TSPAN11: variants seen among roughly 807,000 people sequenced by gnomAD.
The protein encoded by TSPAN11 is tetraspanin-11.
In TSPAN11, 29 loss-of-function variants were observed where a neutral mutation model predicts 32.9. The observed-to-expected ratio is 0.88, with a 90% CI of 0.66 to 1.20. TSPAN11 has a LOEUF of 1.20. Ranked by LOEUF, TSPAN11 falls within the 50% of genes most tolerant of loss-of-function variation. The pLI, the probability that TSPAN11 is intolerant of heterozygous loss-of-function variation, is 0.00. For missense variants in TSPAN11, 283 were observed against 329.1 expected, an observed-to-expected ratio of 0.86 and a Z score of 1.08; for synonymous variants, 140 against 141.3, an observed-to-expected ratio of 0.99 and a Z score of 0.07.
At chr12:30,996,695 T>G (rs991268613), downstream of TSPAN11, 1 of 152,334 alleles carries the variant, frequency 6.6e-6, no homozygotes, top group East Asian at 1.9e-4. Context: ...GTGAAGCTGC[T>G]GTGTTAGCCA....
At chr12:31,002,443 A>G in the TSPAN11 span, among the ~76,000 whole-genome samples, 3 of 152,060 alleles carry the variant, frequency 2.0e-5, no homozygotes, top group African/African-American at 7.2e-5. The surrounding 1 kb of genome is among the most constrained non-coding windows in gnomAD (Gnocchi z 4.8). Flanking sequence ...CTCATCTACC[A>G]TGTGTCACTG....
At chr12:30,937,275 A>G (rs1938065553) in intron 1 of TSPAN11, among the ~76,000 whole-genome samples, 1 of 152,150 alleles carries the variant, frequency 6.6e-6, no homozygotes, top group Admixed American at 6.5e-5. Context: ...TTAAGAGGGA[A>G]ACAGGATCTA....
chr12:30,991,857 T>C lies in TSPAN11; in HGVS notation c.704T>C (p.Ile235Thr), dbSNP rs143801171. 6.2e-6 allele frequency: 10 copies of C among 1,614,070 alleles called. No individual in the cohort carries two copies. Among genetic ancestry groups the C allele is most frequent in the Non-Finnish European group, 8.5e-6 (10 of 1,180,040 alleles). ...AVGIGVACLQ[I>T]CGMVLTCCLH... ...TCCTCTGCTCTCTCCACCTGGCAGA[T>C]CTGCGGGATGGTTCTCACCTGCTGC... The change falls in exon 8 of 8, where the codon ATC becomes ACC. Residue 235 changes from isoleucine to threonine, a missense_variant and splice_region_variant. Ile to Thr is a moderately conservative substitution (Grantham distance 89, BLOSUM62 -1). Coordinates refer to ENST00000546076, the MANE Select transcript of TSPAN11 (RefSeq NM_001370302.1).
At chr12:30,966,769 AG>A (rs1267003636) in intron 3 of TSPAN11, among the ~76,000 whole-genome samples, 1 of 152,172 alleles carries the variant, frequency 6.6e-6, no homozygotes, top group Admixed American at 6.5e-5. Flanking sequence ...GTAACAAGGG[AG>A]GGTCCCCTCC....
intron 1 of TSPAN11, among the ~76,000 whole-genome samples, chr12:30,937,441 C>G (rs1938069646): frequency 6.6e-6 from 1 of 150,926 alleles, no homozygotes; most frequent in Non-Finnish European, 1.5e-5. Flanking sequence ...GGGGGGGCGG[C>G]AGGGGGCAGT....
At position 30,954,046 on chromosome 12, in the gene TSPAN11, T is replaced by TTA; in HGVS notation, c.56_57dup (p.Leu20TyrfsTer55). Reference sequence around the variant, plus strand: ...CTGGCTGATCATCTACTTGAAGTATTTACTCTTTGTCTTCAACTTCTTCTT... The same window carrying TTA: ...CTGGCTGATCATCTACTTGAAGTATTTATACTCTTTGTCTTCAACTTCTTCTT... On this transcript the variant is annotated frameshift_variant, in exon 2 of 8. Coordinates refer to ENST00000546076, the MANE Select transcript of TSPAN11 (RefSeq NM_001370302.1). LOFTEE classifies it high-confidence loss of function. 6.2e-7 allele frequency: 1 copy of TTA among 1,613,750 alleles called. No individual in the cohort carries two copies. The highest frequency in any genetic ancestry group is 8.5e-7 in the Non-Finnish European group (1 of 1,179,864).
the TSPAN11 span, among the ~76,000 whole-genome samples, chr12:31,007,583 C>T: frequency 1.3e-5 from 2 of 152,180 alleles, no homozygotes; most frequent in Admixed American, 6.5e-5. Context: ...GGCCCCCACC[C>T]CGACCCCTTG....
chr12:30,982,817 G>A (rs1939121497), intron 6 of TSPAN11, 127 bp downstream of exon 6: 6 of 1,364,684 alleles, frequency 4.4e-6, no homozygotes, highest in Non-Finnish European at 5.9e-6. Flanking sequence ...TTGGCCACGA[G>A]CCCACAGTGT....
intron 2 of TSPAN11, among the ~76,000 whole-genome samples, chr12:30,957,367 G>C (rs1938504675): frequency 6.6e-6 from 1 of 152,016 alleles, no homozygotes; most frequent in African/African-American, 2.4e-5. Context: ...ATGAAGCCTG[G>C]GATAACCCCT....
At chr12:31,003,019 T>G in the TSPAN11 span, among the ~76,000 whole-genome samples, 1 of 152,188 alleles carries the variant, frequency 6.6e-6, no homozygotes, top group Non-Finnish European at 1.5e-5. Context: ...GTGAGATGGC[T>G]GCAAAGAAAG....
intron 7 of TSPAN11, among the ~76,000 whole-genome samples, chr12:30,983,516 G>A (rs1939139669): frequency 6.6e-6 from 1 of 152,134 alleles, no homozygotes; most frequent in Non-Finnish European, 1.5e-5. Context: ...TGTGGTTGGG[G>A]TTGTATGCAC....
chr12:30,952,641 C>A (rs2160996), intron 1 of TSPAN11, among the ~76,000 whole-genome samples: 134,401 of 152,110 alleles, frequency 0.88, 59,423 homozygotes, highest in Non-Finnish European at 0.91. Flanking sequence ...GGCGTGGTCA[C>A]GCACCAGCCC....
chr12:30,934,048 A>T (rs1244549778), intron 1 of TSPAN11, among the ~76,000 whole-genome samples: 1 of 152,174 alleles, frequency 6.6e-6, no homozygotes, highest in Non-Finnish European at 1.5e-5. Flanking sequence ...TGGAGGTGTC[A>T]TCCACTTTGG....
chr12:30,937,430 T>TG (rs986313325), intron 1 of TSPAN11, among the ~76,000 whole-genome samples: 10 of 148,400 alleles, frequency 6.7e-5, no homozygotes, highest in Admixed American at 1.3e-4. Flanking sequence ...AGCGTACTTT[T>TG]GGGGGGGCGG....
chr12:30,985,633 C>T (rs776595991), intron 7 of TSPAN11, among the ~76,000 whole-genome samples: 39 of 152,182 alleles, frequency 2.6e-4, no homozygotes, highest in Non-Finnish European at 4.9e-4. Flanking sequence ...GTTGAGGGGG[C>T]CTGCTCTGTA....
the TSPAN11 span, among the ~76,000 whole-genome samples, chr12:31,006,184 T>C: frequency 6.6e-6 from 1 of 152,192 alleles, no homozygotes; most frequent in South Asian, 2.1e-4. Context: ...TCAGTGGCCA[T>C]GGCCAAGCTA....
chr12:30,954,773 C>G (rs1938447984), intron 2 of TSPAN11: 1 of 152,276 alleles, frequency 6.6e-6, no homozygotes, highest in Admixed American at 6.5e-5. Context: ...CTGCTGACTA[C>G]TAATGGTGGA....
At chr12:30,964,662 T>A (rs1480230157) in intron 3 of TSPAN11, among the ~76,000 whole-genome samples, 10 of 151,974 alleles carry the variant, frequency 6.6e-5, no homozygotes, top group African/African-American at 1.2e-4. Flanking sequence ...TCTGTTAGAG[T>A]TTCAGTGTGT....
chr12:31,004,722 C>A, the TSPAN11 span, among the ~76,000 whole-genome samples: 8 of 152,152 alleles, frequency 5.3e-5, no homozygotes, highest in Non-Finnish European at 1.2e-4. Flanking sequence ...CGAGAAGGCC[C>A]GCATGTGGTG....
Sources: gnomAD v4.1 joint callset for allele counts (sites outside exome capture counted in the v4.1 genomes callset) on GRCh38, gnomAD v4.1.1 for gene constraint, Gnocchi (gnomAD v3.1) non-coding constraint, MANE v1.5 for transcripts, NCBI Gene and HGNC (gene_info 2026-07-23, HGNC 2026-07-21) for gene names.